TMCO2: variants seen among roughly 807,000 people sequenced by gnomAD.
The protein encoded by TMCO2 is transmembrane and coiled-coil domains 2, also known as transmembrane and coiled-coil domain-containing protein 2.
In TMCO2, 15 loss-of-function variants were observed where a neutral mutation model predicts 18.0. That is an observed-to-expected ratio of 0.84 (90% CI 0.56 to 1.29). The LOEUF is 1.29. Ranked by LOEUF, TMCO2 falls within the 50% of genes most tolerant of loss-of-function variation. The pLI, the probability that TMCO2 is intolerant of heterozygous loss-of-function variation, is 0.00. For synonymous variants in TMCO2, 79 were observed against 75.9 expected, an observed-to-expected ratio of 1.04 and a Z score of -0.21; for missense variants, 182 against 200.9, an observed-to-expected ratio of 0.91 and a Z score of 0.57.
At chr1:40,248,887 G>C (rs1325482534) in intron 1 of TMCO2, among the ~76,000 whole-genome samples, 6 of 152,214 alleles carry the variant, frequency 3.9e-5, no homozygotes, top group African/African-American at 1.4e-4. Flanking sequence ...CTGAGGTTCA[G>C]TGGAAACTTA....
Position 40,251,596 on chromosome 1 carries a change from A to G in TMCO2, c.*2A>G, listed in dbSNP as rs1191785029. ...TCAGGGTTTACTTCCCCCATTTGAA[A>G]TGTGATGGACTCCAATCTTTTCCAG... On this transcript the variant is annotated 3_prime_UTR_variant, in exon 2 of 2. Coordinates refer to ENST00000372766, the MANE Select transcript of TMCO2 (RefSeq NM_001008740.4). 3 of 1,600,782 alleles carry G rather than the reference A, an allele frequency of 1.9e-6. No homozygotes were observed. Among genetic ancestry groups the G allele is most frequent in the Non-Finnish European group, 2.5e-6 (3 of 1,176,894 alleles).
chr1:40,248,959 G>T (rs1643359057), intron 1 of TMCO2, among the ~76,000 whole-genome samples: 1 of 152,188 alleles, frequency 6.6e-6, no homozygotes, highest in Admixed American at 6.5e-5. Context: ...AATGCAGAGA[G>T]AAGTTGTTAT....
In TMCO2 at chr1:40,248,149, A is replaced by C; in HGVS notation, c.156A>C (p.Gln52His). The C allele has an allele frequency of 1.2e-6, 2 of 1,614,210 alleles. No homozygotes were observed. The highest frequency in any genetic ancestry group is 3.3e-4 in the Middle Eastern group (2 of 6,062). ...TAGATAATCTTGCTCCAGCTGTGCAAATCATCTTGAGGATTTCTTTCTTGA... is the reference window on the plus strand; with the variant it reads ...TAGATAATCTTGCTCCAGCTGTGCACATCATCTTGAGGATTTCTTTCTTGA... Reference protein sequence around the residue: ...GLLDNLAPAVQIILRISFLIL... With the variant: ...GLLDNLAPAVHIILRISFLIL... Residue 52 changes from glutamine to histidine, a missense_variant, in exon 1 of 2, where the codon CAA (glutamine) becomes CAC (histidine). Transcript: ENST00000372766.
intron 1 of TMCO2, among the ~76,000 whole-genome samples, chr1:40,248,765 C>T (rs1643357737): frequency 6.6e-6 from 1 of 152,164 alleles, no homozygotes; most frequent in Middle Eastern, 3.2e-3. Context: ...TCTGTGTAGT[C>T]ACCAATAATA....
Position 40,251,281 on chromosome 1 carries a change from A to C in TMCO2, c.238-2A>C. The C allele has an allele frequency of 6.2e-7, 1 of 1,605,548 alleles. No individual in the cohort carries two copies. The highest frequency in any genetic ancestry group is 8.5e-7 in the Non-Finnish European group (1 of 1,178,050). ...CACTCAACTTCTGTTGTTCCATTTTAGAAAACATTGTTGTTTGTAATCACA... is the reference window on the plus strand; with the variant it reads ...CACTCAACTTCTGTTGTTCCATTTTCGAAAACATTGTTGTTTGTAATCACA... On this transcript the variant is annotated splice_acceptor_variant, in intron 1 of 1. Transcript: ENST00000372766. LOFTEE classifies it high-confidence loss of function.
At chr1:40,251,035 G>T (rs1643379208) in intron 1 of TMCO2, among the ~76,000 whole-genome samples, 1 of 151,536 alleles carries the variant, frequency 6.6e-6, no homozygotes, top group East Asian at 1.9e-4. Flanking sequence ...TACTCAGGAG[G>T]CTGAGGCAGG....
At chr1:40,249,714 C>T (rs923711722) in intron 1 of TMCO2, among the ~76,000 whole-genome samples, 2 of 151,752 alleles carry the variant, frequency 1.3e-5, no homozygotes, top group African/African-American at 2.4e-5. Flanking sequence ...GCTCTTGTCC[C>T]CTAGTCTGGA....
Position 40,248,193 on chromosome 1 carries a change from T to C in TMCO2, c.200T>C (p.Ile67Thr), listed in dbSNP as rs759143120. 4 of 1,613,896 alleles carry C rather than the reference T, an allele frequency of 2.5e-6. No homozygotes were observed. Among genetic ancestry groups the C allele is most frequent in the East Asian group, 2.2e-5 (1 of 44,894 alleles). ...TTCTTGATTTTATTGGGAATAGGAA[T>C]ATATGCCTTATGGAAACGAAGTATT... is the stretch of plus-strand genomic sequence containing the variant. Reference protein sequence around the residue: ...ISFLILLGIGIYALWKRSIQS... With the variant: ...ISFLILLGIGTYALWKRSIQS... The change falls in exon 1 of 2, where the codon ATA becomes ACA. Residue 67 changes from isoleucine to threonine, a missense_variant. Ile to Thr is a moderately conservative substitution (Grantham distance 89). Transcript: ENST00000372766.
rs190442438 is a variant in TMCO2, at chr1:40,249,535, T to C, written c.237+1305T>C. Among the ~76,000 whole-genome samples the C allele has an allele frequency of 2.1e-3, 311 of 149,710 alleles. 3 individuals are homozygous for C. Among genetic ancestry groups the C allele is most frequent in the African/African-American group, 7.2e-3 (294 of 40,680 alleles). The stretch of plus-strand genomic sequence containing the variant: ...TGGAGGTTGCAGTGAGCCAAGATCG[T>C]GCCACTGCACTCCAGCCTGGGCGAC... On this transcript the variant is annotated intron_variant, in intron 1 of 1. Transcript: ENST00000372766.
rs769020015 is a variant in TMCO2, at chr1:40,248,124, T to A, written c.131T>A (p.Leu44Ter). Residue 44 changes from leucine to a stop codon, truncating the protein, a stop_gained, in exon 1 of 2, where the codon TTA becomes TAA. Transcript: ENST00000372766. LOFTEE classifies it high-confidence loss of function. ...SAPQQTSLGL[L>*]DNLAPAVQII... ...CCTCAGCAAACAAGTTTGGGACTAT[T>A]AGATAATCTTGCTCCAGCTGTGCAA... 6.2e-7 allele frequency: 1 copy of A among 1,614,230 alleles called. No individual in the cohort carries two copies. The highest frequency in any genetic ancestry group is 1.1e-5 in the South Asian group (1 of 91,084).
At chr1:40,250,898 G>A (rs1251036624) in intron 1 of TMCO2, among the ~76,000 whole-genome samples, 1 of 152,196 alleles carries the variant, frequency 6.6e-6, no homozygotes, top group Admixed American at 6.5e-5. Context: ...AGCATTTTGG[G>A]AGGCCACGAT....
chr1:40,250,429 T>C (rs956594848), intron 1 of TMCO2, among the ~76,000 whole-genome samples: 4 of 152,082 alleles, frequency 2.6e-5, no homozygotes, highest in Non-Finnish European at 5.9e-5. Flanking sequence ...ACTCCTGGGC[T>C]CAGGTGATCC....
rs1210024626 is a variant in TMCO2, at chr1:40,251,343, G to A, written c.298G>A (p.Glu100Lys). 1 of 1,613,308 alleles carries A rather than the reference G, an allele frequency of 6.2e-7. No homozygotes were observed. The highest frequency in any genetic ancestry group is 1.3e-5 in the African/African-American group (1 of 74,790). Reference sequence around the variant, plus strand: ...TTACAAGAAGGGCTCACATATTTTTGAGGCTTTGCTAGCCAACCCAGAAGG... The same window carrying A: ...TTACAAGAAGGGCTCACATATTTTTAAGGCTTTGCTAGCCAACCCAGAAGG... ...KLYKKGSHIF[E>K]ALLANPEGSG... The change falls in exon 2 of 2, where the codon GAG (glutamate) becomes AAG (lysine). Residue 100 changes from glutamate (E) to lysine (K), a missense_variant. By Grantham distance (56) the Glu-to-Lys change is moderately conservative. Coordinates refer to ENST00000372766, the MANE Select transcript of TMCO2 (RefSeq NM_001008740.4).
Position 40,248,225 on chromosome 1 carries a change from A to G in TMCO2, c.232A>G (p.Ile78Val), listed in dbSNP as rs751700690. Residue 78 changes from isoleucine (I) to valine (V), a missense_variant, in exon 1 of 2, where the codon ATT (isoleucine) becomes GTT (valine). By Grantham distance (29) the Ile-to-Val change is conservative (BLOSUM62 3). Transcript: ENST00000372766. ...CTTATGGAAACGAAGTATTCAGTCA[A>G]TTCAGGTTATACTCTTTTGTTACAA... ...YALWKRSIQS[I>V]QKTLLFVITL... 8.1e-6 allele frequency: 13 copies of G among 1,607,078 alleles called. No individual in the cohort carries two copies. The highest frequency in any genetic ancestry group is 1.1e-5 in the Non-Finnish European group (13 of 1,174,078).
intron 1 of TMCO2, among the ~76,000 whole-genome samples, chr1:40,250,875 C>T (rs905100175): frequency 3.9e-5 from 6 of 152,286 alleles, no homozygotes; most frequent in South Asian, 2.1e-4. Flanking sequence ...TGGTGGCTTA[C>T]GCCTGTAATC....
intron 1 of TMCO2, among the ~76,000 whole-genome samples, chr1:40,248,919 G>T (rs1193125891): frequency 6.6e-6 from 1 of 152,160 alleles, no homozygotes; most frequent in Admixed American, 6.5e-5. Context: ...TTTTAAAACG[G>T]CTTTCTTAGA....
intron 1 of TMCO2, among the ~76,000 whole-genome samples, chr1:40,248,994 A>T (rs2124568682): frequency 6.6e-6 from 1 of 152,240 alleles, no homozygotes; most frequent in Non-Finnish European, 1.5e-5. Context: ...GCATTCACTT[A>T]TTTTCATATG....
chr1:40,248,317 A>T, intron 1 of TMCO2, 87 bp downstream of exon 1: 1 of 1,173,784 alleles, frequency 8.5e-7, no homozygotes, highest in Non-Finnish European at 1.2e-6. Flanking sequence ...CAGTTTTAAG[A>T]TCATGCAGAT....
Position 40,247,948 on chromosome 1 carries a change from C to G in TMCO2, c.-46C>G, listed in dbSNP as rs757794881. 1 of 1,475,744 alleles carries G rather than the reference C, an allele frequency of 6.8e-7. No homozygotes were observed. Among genetic ancestry groups the G allele is most frequent in the South Asian group, 1.1e-5 (1 of 87,296 alleles). 91.4% of individuals were successfully genotyped at this position (1,475,744 alleles called of 1,614,324 possible). The stretch of plus-strand genomic sequence containing the variant: ...ACTCCCCCTAACTCATATTTAGATT[C>G]CTGAAGCTTCTGCACATGTAGTTCC... On this transcript the variant is annotated 5_prime_UTR_variant, in exon 1 of 2. Transcript: ENST00000372766.
Sources: allele counts gnomAD v4.1 joint callset (sites outside exome capture counted in the v4.1 genomes callset), GRCh38; gene constraint gnomAD v4.1.1; transcripts MANE v1.5; gene names NCBI Gene and HGNC (gene_info 2026-07-23, HGNC 2026-07-21).